The following DCLK2 variants were observed in gnomAD, a reference collection of about 807,000 sequenced individuals.
DCLK2 encodes the protein doublecortin like kinase 2.
In DCLK2, 31 loss-of-function variants were observed where a neutral mutation model predicts 78.4. The observed-to-expected ratio is 0.40, with a 90% CI of 0.30 to 0.53. DCLK2 has a LOEUF of 0.53. Among genes scored for constraint, DCLK2 ranks in the 20% least tolerant of loss-of-function variants. The pLI is 0.61. For synonymous variants in DCLK2, 407 were observed against 374.9 expected (o/e 1.09, Z -0.99); for missense variants, 872 against 973.7 (o/e 0.90, Z 1.39).
intron 12 of DCLK2, among the ~76,000 whole-genome samples, chr4:150,244,263 G>C (rs763472835): frequency 7.2e-5 from 11 of 152,112 alleles, no homozygotes; most frequent in Non-Finnish European, 1.6e-4. Context: ...TTCAACATCA[G>C]ATTCATCATT....
chr4:150,087,065 A>G (rs1729700908), intron 1 of DCLK2, among the ~76,000 whole-genome samples: 1 of 152,190 alleles, frequency 6.6e-6, no homozygotes, highest in Non-Finnish European at 1.5e-5. Flanking sequence ...ATTCCTTAAA[A>G]CATGTTATAA....
intron 15 of DCLK2, among the ~76,000 whole-genome samples, chr4:150,252,042 T>A (rs1047793974): frequency 1.3e-5 from 2 of 152,156 alleles, no homozygotes; most frequent in Non-Finnish European, 2.9e-5. Flanking sequence ...TGAGAAGGCC[T>A]TTTGAGTTGT....
intron 10 of DCLK2, among the ~76,000 whole-genome samples, chr4:150,235,329 A>G (rs371234893): frequency 2.4e-4 from 36 of 152,320 alleles, no homozygotes; most frequent in East Asian, 2.1e-3. Context: ...AGGGTGGATA[A>G]TGTTTTTCAC....
intron 10 of DCLK2, among the ~76,000 whole-genome samples, chr4:150,237,796 G>C (rs762022586): frequency 9.2e-5 from 14 of 152,040 alleles, no homozygotes; most frequent in Non-Finnish European, 1.9e-4. Flanking sequence ...TAAATATCTG[G>C]TTCAGCAAAA....
rs2126659061 is a variant in DCLK2 at position 150,256,344 on chromosome 4, A to G, written c.*97A>G. 2 of 1,421,898 alleles carry G rather than the reference A, an allele frequency of 1.4e-6. No individual in the cohort carries two copies. Among genetic ancestry groups the G allele is most frequent in the Non-Finnish European group, 1.8e-6 (2 of 1,087,650 alleles). The allele number at this position is 1,421,898 out of a possible 1,614,324, so 88.1% of individuals were successfully genotyped here. A position where few individuals can be genotyped will look rare whatever the true frequency, so the allele number is the denominator to read the frequency against. ...CCCTGCTGCAGGCCTCCCTCTCTTC[A>G]CCGCCTGCGCCTGAGTTCGCGGGTC... On this transcript the variant is annotated 3_prime_UTR_variant, in exon 16 of 16. Coordinates refer to ENST00000296550, the MANE Select transcript of DCLK2 (RefSeq NM_001040260.4).
At chr4:150,182,107 G>C (rs1285240395) in intron 2 of DCLK2, among the ~76,000 whole-genome samples, 1 of 151,678 alleles carries the variant, frequency 6.6e-6, no homozygotes, top group Non-Finnish European at 1.5e-5. Flanking sequence ...GAGTGCTGTG[G>C]CACCATCTCG....
chr4:150,235,472 G>A (rs1309724436), intron 10 of DCLK2, among the ~76,000 whole-genome samples: 1 of 152,114 alleles, frequency 6.6e-6, no homozygotes, highest in Non-Finnish European at 1.5e-5. Flanking sequence ...AGTCTCACCT[G>A]TCCTAGATGA....
chr4:150,217,366 T>C, intron 5 of DCLK2, among the ~76,000 whole-genome samples: 1 of 152,250 alleles, frequency 6.6e-6, no homozygotes, highest in African/African-American at 2.4e-5. Flanking sequence ...TACTGAATAC[T>C]CAGCTTTTCT....
At chr4:150,118,043 T>A (rs1490850005) in intron 2 of DCLK2, among the ~76,000 whole-genome samples, 2 of 152,028 alleles carry the variant, frequency 1.3e-5, no homozygotes, top group African/African-American at 4.8e-5. Flanking sequence ...TATTCAGAAT[T>A]ACACAACTGG....
At chr4:150,123,518 TATA>T (rs891095427) in intron 2 of DCLK2, among the ~76,000 whole-genome samples, 2 of 152,148 alleles carry the variant, frequency 1.3e-5, no homozygotes, top group African/African-American at 4.8e-5. Flanking sequence ...CCCTAATGGC[TATA>T]ATAATAATAA....
chr4:150,246,409 T>C (rs1743313259), intron 12 of DCLK2, among the ~76,000 whole-genome samples: 1 of 152,096 alleles, frequency 6.6e-6, no homozygotes, highest in Non-Finnish European at 1.5e-5. Flanking sequence ...GCCCTAGAAT[T>C]TATTGCTAGA....
chr4:150,235,954 G>T (rs1037703582), intron 10 of DCLK2, among the ~76,000 whole-genome samples: 2 of 152,174 alleles, frequency 1.3e-5, no homozygotes, highest in Admixed American at 1.3e-4. Flanking sequence ...ACAGCCTGGT[G>T]GTACCGTGTC....
At chr4:150,093,579 G>A (rs1250412417) in intron 1 of DCLK2, among the ~76,000 whole-genome samples, 3 of 152,032 alleles carry the variant, frequency 2.0e-5, no homozygotes, top group Non-Finnish European at 4.4e-5. Context: ...ACAGAGTTTT[G>A]CCATGTTGGC....
At chr4:150,152,183 A>G (rs562081871) in intron 2 of DCLK2, among the ~76,000 whole-genome samples, 5 of 152,366 alleles carry the variant, frequency 3.3e-5, no homozygotes, top group Admixed American at 3.3e-4. Flanking sequence ...TTTGGATCCC[A>G]TGAACCTTCA....
intron 2 of DCLK2, among the ~76,000 whole-genome samples, chr4:150,192,855 C>T (rs1738566682): frequency 1.3e-5 from 2 of 152,060 alleles, no homozygotes; most frequent in Admixed American, 1.3e-4. Context: ...TGTGGGGAAC[C>T]TGGGGGAAAA....
chr4:150,217,957 T>A (rs1740850550), intron 5 of DCLK2, among the ~76,000 whole-genome samples: 1 of 152,042 alleles, frequency 6.6e-6, no homozygotes, highest in Non-Finnish European at 1.5e-5. Context: ...GCTAAGAAGC[T>A]GCATTTCCTG....
At position 150,083,666 on chromosome 4, in the gene DCLK2, A is replaced by G. The variant is rs1368930733; in HGVS notation, c.421+4218A>G. Among the ~76,000 whole-genome samples, 4 of 152,364 alleles carry G rather than the reference A, an allele frequency of 2.6e-5. No individual in the cohort carries two copies. In the East Asian group the frequency reaches 7.7e-4, roughly 29 times the overall value. On this transcript the variant is annotated intron_variant, in intron 1 of 15. Coordinates refer to ENST00000296550, the MANE Select transcript of DCLK2 (RefSeq NM_001040260.4). Reference sequence around the variant, plus strand: ...TGGAACTTATTATGGTAAGAAGGAAATAAACTCATGAGTTACAAGGTATTT... The same window carrying G: ...TGGAACTTATTATGGTAAGAAGGAAGTAAACTCATGAGTTACAAGGTATTT...
chr4:150,222,098 TCTC>T (rs1475149028), intron 7 of DCLK2, among the ~76,000 whole-genome samples: 3 of 151,962 alleles, frequency 2.0e-5, no homozygotes, highest in Non-Finnish European at 4.4e-5. Flanking sequence ...TGCCAGTGAT[TCTC>T]CCACCTCAGC....
rs377359855 is a variant in DCLK2, at chr4:150,240,495, G to A, written c.1778+19G>A. 222 of 1,571,362 alleles carry A rather than the reference G, an allele frequency of 1.4e-4. No homozygotes were observed. Among genetic ancestry groups the A allele is most frequent in the East Asian group, 1.0e-3 (44 of 42,626 alleles). On this transcript the variant is annotated intron_variant, in intron 12 of 15. Coordinates refer to ENST00000296550, the MANE Select transcript of DCLK2 (RefSeq NM_001040260.4). The stretch of plus-strand genomic sequence containing the variant: ...TCCGAAGGTAGGCGGCCTTTTGGGC[G>A]ACGTATTTGAATTGCAAATGTTCTC...
Sources: gnomAD v4.1 joint callset for allele counts (sites outside exome capture counted in the v4.1 genomes callset) on GRCh38, gnomAD v4.1.1 for gene constraint, MANE v1.5 for transcripts, NCBI Gene and HGNC (gene_info 2026-07-23, HGNC 2026-07-21) for gene names.